Variants in CDH23 observed in about 807,000 individuals in gnomAD.
CDH23 encodes the protein cadherin related 23.
A neutral mutation model predicts 317.1 loss-of-function variants in CDH23; 189 were observed. That is an observed-to-expected ratio of 0.60 (90% CI 0.53 to 0.67). The LOEUF (loss-of-function observed/expected upper bound fraction) is 0.67. CDH23 is among the 30% of genes least tolerant of loss of function. The probability of loss-of-function intolerance (pLI) is 0.00; values close to 1 mark genes in which losing one functional copy is unlikely to be tolerated. For missense variants in CDH23, 4,401 were observed against 4,592.4 expected, an observed-to-expected ratio of 0.96 and a Z score of 1.20; for synonymous variants, 1,839 against 1,876.8, an observed-to-expected ratio of 0.98 and a Z score of 0.52.
intron 9 of CDH23, among the ~76,000 whole-genome samples, chr10:71,583,956 C>T (rs12268418): frequency 0.17 from 25,109 of 151,428 alleles, 2,562 homozygotes; most frequent in African/African-American, 0.29. Flanking sequence ...GTGTGCTCCC[C>T]AGAGCAGCAG....
chr10:71,698,456 G>C (rs1433551549), intron 22 of CDH23, among the ~76,000 whole-genome samples: 2 of 152,012 alleles, frequency 1.3e-5, no homozygotes, highest in African/African-American at 4.8e-5. Context: ...AGAAGGAGGA[G>C]GTGATATTTG....
chr10:71,732,069 CACCGTGAATT>C lies in CDH23; in HGVS notation c.3802_3811del (p.Val1268TrpfsTer10). The C allele has an allele frequency of 6.2e-7, 1 of 1,614,022 alleles. No individual in the cohort carries two copies. The highest frequency in any genetic ancestry group is 2.2e-5 in the East Asian group (1 of 44,878). The stretch of plus-strand genomic sequence containing the variant: ...TTGACGAGAGCACAGGGCTTATCAT[CACCGTGAATT>C]ACCTGGACTACGAGACCAAGACCAG... On this transcript the variant is annotated frameshift_variant, in exon 32 of 70. Transcript: ENST00000224721. LOFTEE classifies it high-confidence loss of function.
chr10:71,707,940 A>G (rs569548711), intron 26 of CDH23, among the ~76,000 whole-genome samples: 1 of 152,212 alleles, frequency 6.6e-6, no homozygotes, highest in Non-Finnish European at 1.5e-5. Context: ...GTGACCTCCC[A>G]GCCCTCAGCC....
intron 24 of CDH23, 130 bp from the exon 25 acceptor site, chr10:71,704,781 C>A: frequency 1.3e-6 from 1 of 746,840 alleles, no homozygotes; most frequent in Non-Finnish European, 2.3e-6. Flanking sequence ...TGGCCTAAGG[C>A]TTGGAGGGGA....
rs544054873 is a variant in CDH23 at position 71,653,194 on chromosome 10, A to G, written c.1449+6577A>G. Among the ~76,000 whole-genome samples, 85 of 152,274 alleles carry G rather than the reference A, an allele frequency of 5.6e-4. 1 individual carries two copies. Among genetic ancestry groups the G allele is most frequent in the African/African-American group, 2.0e-3 (82 of 41,544 alleles). On this transcript the variant is annotated intron_variant, in intron 14 of 69. Coordinates refer to ENST00000224721, the MANE Select transcript of CDH23 (RefSeq NM_022124.6). ...CAGACAGCCCTGCTGCATCAATGTC[A>G]GCCCCATTGCTGTTTGTCCCCATCT...
intron 10 of CDH23, 78 bp from the exon 11 acceptor site, chr10:71,617,127 T>C: frequency 6.6e-7 from 1 of 1,514,070 alleles, no homozygotes; most frequent in Admixed American, 2.0e-5. Flanking sequence ...TGGCTGGTGC[T>C]GAGAAAGTCT....
chr10:71,679,811 C>A (rs970538476), intron 17 of CDH23, among the ~76,000 whole-genome samples: 2 of 152,190 alleles, frequency 1.3e-5, no homozygotes, highest in African/African-American at 4.8e-5. Flanking sequence ...CAGGCAGGTC[C>A]GTGGGATGGA....
Position 71,709,221 on chromosome 10 carries a change from A to C in CDH23, c.3220+10A>C, listed in dbSNP as rs1289907845. On this transcript the variant is annotated intron_variant, in intron 27 of 69. Transcript: ENST00000224721. ...ATCCTGGAGGCCATCGGTATGCACC[A>C]GTCCCGCACCCACCAACACAGTGAT... 3 of 1,606,642 alleles carry C rather than the reference A, an allele frequency of 1.9e-6. No homozygotes were observed. In the East Asian group the frequency reaches 6.7e-5, roughly 36 times the overall value.
At chr10:71,487,995 G>A (rs1852444705) in intron 3 of CDH23, among the ~76,000 whole-genome samples, 1 of 152,212 alleles carries the variant, frequency 6.6e-6, no homozygotes, top group South Asian at 2.1e-4. Context: ...TACATAATAT[G>A]GCAACATCTG....
At chr10:71,760,238 CATATATATGTATGTATATATATGT>C (rs1564780282) in intron 38 of CDH23, among the ~76,000 whole-genome samples, 32 of 20,902 alleles carry the variant, frequency 1.5e-3, no homozygotes, top group African/African-American at 3.9e-3. Context: ...TATGTATATA[CATATATATGTATGTATATATATGT>C]ATATACATAT....
intron 3 of CDH23, among the ~76,000 whole-genome samples, chr10:71,457,343 C>T (rs1850745640): frequency 6.6e-6 from 1 of 152,206 alleles, no homozygotes; most frequent in Non-Finnish European, 1.5e-5. Flanking sequence ...GACAGGAAAT[C>T]TGTTCTAGTA....
At chr10:71,456,542 G>A (rs985083340) in intron 3 of CDH23, among the ~76,000 whole-genome samples, 2 of 142,602 alleles carry the variant, frequency 1.4e-5, no homozygotes, top group South Asian at 2.1e-4. Context: ...GGTATGGGGC[G>A]GGGCTGGTGT....
chr10:71,448,270 TCAGCAGGTC>T (rs1850266169), intron 3 of CDH23, among the ~76,000 whole-genome samples: 1 of 152,250 alleles, frequency 6.6e-6, no homozygotes, highest in Non-Finnish European at 1.5e-5. Context: ...GGCCAGCCCT[TCAGCAGGTC>T]CTTCTCCTGC....
intron 6 of CDH23, among the ~76,000 whole-genome samples, chr10:71,558,155 GC>G (rs1226293486): frequency 6.6e-6 from 1 of 151,926 alleles, no homozygotes; most frequent in African/African-American, 2.4e-5. Flanking sequence ...CCACTACCAT[GC>G]CCAACTAATT....
intron 6 of CDH23, among the ~76,000 whole-genome samples, chr10:71,513,660 C>T (rs1351955837): frequency 1.3e-5 from 2 of 152,260 alleles, no homozygotes; most frequent in East Asian, 3.9e-4. Context: ...GCAGTGGTTG[C>T]TCTTGTGCTG....
chr10:71,507,518 C>T lies in CDH23; in HGVS notation c.146-2564C>T, dbSNP rs563983278. 7.2e-5 allele frequency among the ~76,000 whole-genome samples: 11 copies of T among 152,182 alleles called. 1 individual carries two copies. In the South Asian group the frequency reaches 2.1e-3, roughly 29 times the overall value. ...ATCAGGCTGGCCAACATGATGAAAC[C>T]CCATCTCTACTAAAACTACGAAAAA... On this transcript the variant is annotated intron_variant, in intron 3 of 69. Coordinates refer to ENST00000224721, the MANE Select transcript of CDH23 (RefSeq NM_022124.6).
intron 55 of CDH23, among the ~76,000 whole-genome samples, chr10:71,804,672 G>C (rs779968635): frequency 6.6e-6 from 1 of 152,184 alleles, no homozygotes; most frequent in Non-Finnish European, 1.5e-5. Flanking sequence ...GGTCCTCTTT[G>C]CTCTGCTTTG....
At chr10:71,569,424 C>G (rs1857627752) in intron 7 of CDH23, among the ~76,000 whole-genome samples, 2 of 152,196 alleles carry the variant, frequency 1.3e-5, no homozygotes, top group Non-Finnish European at 2.9e-5. Context: ...GGGACAGTCG[C>G]TCCTCAAATC....
chr10:71,750,398 C>A (rs1457255592), intron 38 of CDH23: 3 of 152,302 alleles, frequency 2.0e-5, no homozygotes, highest in East Asian at 3.9e-4. Context: ...TTGTGTGGCA[C>A]CCTTGCAATG....
Sources: gnomAD v4.1 joint callset for allele counts (sites outside exome capture counted in the v4.1 genomes callset) on GRCh38, gnomAD v4.1.1 for gene constraint, MANE v1.5 for transcripts, NCBI Gene and HGNC (gene_info 2026-07-23, HGNC 2026-07-21) for gene names.